The following PPM1E variants were observed in gnomAD, a reference collection of about 807,000 sequenced individuals.
PPM1E encodes the protein protein phosphatase, Mg2+/Mn2+ dependent 1E.
In PPM1E, 20 loss-of-function variants were observed where a neutral mutation model predicts 65.9. The observed-to-expected ratio is 0.30, with a 90% CI of 0.21 to 0.44. The LOEUF (loss-of-function observed/expected upper bound fraction) is 0.44, where lower values mean the gene tolerates loss of function less well. Ranked by LOEUF, PPM1E falls within the 20% of genes least tolerant of loss-of-function variation. The pLI is 1.00. For missense variants in PPM1E, 713 were observed against 953.1 expected, an observed-to-expected ratio of 0.75 and a Z score of 3.32; for synonymous variants, 352 against 374.9, an observed-to-expected ratio of 0.94 and a Z score of 0.70.
intron 1 of PPM1E, among the ~76,000 whole-genome samples, chr17:58,822,526 G>A (rs541712134): frequency 2.0e-5 from 3 of 152,184 alleles, no homozygotes; most frequent in African/African-American, 7.2e-5. Flanking sequence ...GAAGATTGGA[G>A]CCAGTTTCAA....
chr17:58,923,016 T>G (rs1449228267), intron 1 of PPM1E, among the ~76,000 whole-genome samples: 1 of 152,198 alleles, frequency 6.6e-6, no homozygotes, highest in Non-Finnish European at 1.5e-5. Flanking sequence ...CCAGGTGTGA[T>G]AGCTTATGCT....
chr17:58,788,838 T>C (rs1399566079), intron 1 of PPM1E, among the ~76,000 whole-genome samples: 1 of 152,216 alleles, frequency 6.6e-6, no homozygotes, highest in Non-Finnish European at 1.5e-5. Context: ...TCATGCTTTA[T>C]ACAGATTGAA....
intron 1 of PPM1E, among the ~76,000 whole-genome samples, chr17:58,827,519 T>G (rs2050551035): frequency 1.3e-5 from 2 of 152,196 alleles, no homozygotes; most frequent in Admixed American, 6.5e-5. Flanking sequence ...CTGGTTATAA[T>G]CTTTTAAGCC....
At chr17:58,837,698 G>A (rs951709669) in intron 1 of PPM1E, among the ~76,000 whole-genome samples, 5 of 151,900 alleles carry the variant, frequency 3.3e-5, no homozygotes, top group Non-Finnish European at 5.9e-5. Flanking sequence ...GGGTTTCACC[G>A]TGTCAGCCAG....
At chr17:58,765,421 C>T (rs1048522767) in intron 1 of PPM1E, among the ~76,000 whole-genome samples, 14 of 152,000 alleles carry the variant, frequency 9.2e-5, no homozygotes, top group Admixed American at 6.6e-4. Flanking sequence ...TGTGATCCTC[C>T]AGCCTTGGCC....
rs1459830794 is a variant in PPM1E at position 58,806,745 on chromosome 17, G to A, written c.464+50284G>A. Among the ~76,000 whole-genome samples the A allele has an allele frequency of 2.0e-5, 3 of 149,302 alleles. No homozygotes were observed. In the South Asian group the frequency reaches 6.3e-4, roughly 32 times the overall value. On this transcript the variant is annotated intron_variant, in intron 1 of 6. Transcript: ENST00000308249. ...AATGGAGTCTCCCTCTATTGCCCAG[G>A]TTGGAGTGTAGTGGCGCCATCTCGG...
At chr17:58,978,741 A>C (rs553773470) in intron 6 of PPM1E, among the ~76,000 whole-genome samples, 43 of 152,266 alleles carry the variant, frequency 2.8e-4, no homozygotes, top group South Asian at 2.3e-3. Context: ...CCCTTGTTGT[A>C]GTCATAAGCT....
At chr17:58,769,456 G>T (rs2049914812) in intron 1 of PPM1E, among the ~76,000 whole-genome samples, 1 of 152,022 alleles carries the variant, frequency 6.6e-6, no homozygotes, top group Non-Finnish European at 1.5e-5. Flanking sequence ...AATTAGCTGG[G>T]CATGGCGGTG....
intron 1 of PPM1E, among the ~76,000 whole-genome samples, chr17:58,919,308 T>C (rs757603108): frequency 2.6e-5 from 4 of 152,148 alleles, no homozygotes; most frequent in Non-Finnish European, 4.4e-5. Context: ...AGGGAAAATA[T>C]ACAGTCATTG....
At chr17:58,910,315 A>C (rs2051612383) in intron 1 of PPM1E, among the ~76,000 whole-genome samples, 1 of 152,100 alleles carries the variant, frequency 6.6e-6, no homozygotes, top group African/African-American at 2.4e-5. Flanking sequence ...CATTTCTTTT[A>C]CAGTGTTTTT....
rs1198959667 is a variant in PPM1E, at chr17:58,772,433, T to A, written c.464+15972T>A. 2.0e-5 allele frequency among the ~76,000 whole-genome samples: 3 copies of A among 151,038 alleles called. No individual in the cohort carries two copies. In the East Asian group the frequency reaches 5.8e-4, roughly 29 times the overall value. On this transcript the variant is annotated intron_variant, in intron 1 of 6. Coordinates refer to ENST00000308249, the MANE Select transcript of PPM1E (RefSeq NM_014906.5). ...ATCGTGCTACTGCACTCCAGCCTGGTGACAGAGCAAGACTCCATCTAAAAA... is the reference window on the plus strand; with the variant it reads ...ATCGTGCTACTGCACTCCAGCCTGGAGACAGAGCAAGACTCCATCTAAAAA...
intron 1 of PPM1E, among the ~76,000 whole-genome samples, chr17:58,802,882 T>A (rs79004854): frequency 4.6e-5 from 7 of 152,180 alleles, no homozygotes; most frequent in Non-Finnish European, 1.0e-4. Flanking sequence ...TGTTTTTTTT[T>A]ATCCTACAAA....
rs2031291473 is a variant in PPM1E at position 58,980,495 on chromosome 17, A to G, written c.1732A>G (p.Ser578Gly). Reference protein sequence around the residue: ...GYLDLTQIEASKPHSAQFLLP... With the variant: ...GYLDLTQIEAGKPHSAQFLLP... Reference sequence around the variant, plus strand: ...CCTAGATCTCACACAAATAGAAGCAAGCAAACCTCACAGTGCCCAGTTTTT... The same window carrying G: ...CCTAGATCTCACACAAATAGAAGCAGGCAAACCTCACAGTGCCCAGTTTTT... The change falls in exon 7 of 7, where the codon AGC becomes GGC. Residue 578 changes from serine (S) to glycine (G), a missense_variant. Ser to Gly is a moderately conservative substitution (Grantham distance 56). Transcript: ENST00000308249. This position sits in a 1 kb window ranked among gnomAD's most constrained non-coding sequence, Gnocchi z 4.7. 1 of 1,614,234 alleles carries G rather than the reference A, an allele frequency of 6.2e-7. No individual in the cohort carries two copies. Among genetic ancestry groups the G allele is most frequent in the Non-Finnish European group, 8.5e-7 (1 of 1,180,034 alleles).
intron 1 of PPM1E, among the ~76,000 whole-genome samples, chr17:58,886,435 A>G (rs1244101739): frequency 6.6e-6 from 1 of 152,180 alleles, no homozygotes; most frequent in Non-Finnish European, 1.5e-5. Context: ...GTGGTAGTGA[A>G]CAAACTCAGG....
At chr17:58,816,172 C>T (rs898744056) in intron 1 of PPM1E, among the ~76,000 whole-genome samples, 18 of 151,716 alleles carry the variant, frequency 1.2e-4, no homozygotes, top group Admixed American at 6.6e-5. Context: ...ACTACAGGTG[C>T]GTGCCACCAC....
chr17:58,842,458 T>A (rs1463482715), intron 1 of PPM1E, among the ~76,000 whole-genome samples: 1 of 152,196 alleles, frequency 6.6e-6, no homozygotes, highest in Non-Finnish European at 1.5e-5. Flanking sequence ...GGAAAATGTG[T>A]GTGTATGTTG....
chr17:58,945,496 C>T (rs1179599816), intron 1 of PPM1E, among the ~76,000 whole-genome samples: 1 of 152,158 alleles, frequency 6.6e-6, no homozygotes, highest in Non-Finnish European at 1.5e-5. Context: ...ACCAATTCTC[C>T]ATTTCTCCCT....
At chr17:58,778,218 G>T (rs1696454963) in intron 1 of PPM1E, among the ~76,000 whole-genome samples, 1 of 151,970 alleles carries the variant, frequency 6.6e-6, no homozygotes, top group African/African-American at 2.4e-5. Flanking sequence ...TCCTGCCTCA[G>T]CCTCCTAAGC....
At chr17:58,954,429 GA>G (rs1422339660) in intron 1 of PPM1E, among the ~76,000 whole-genome samples, 2 of 152,126 alleles carry the variant, frequency 1.3e-5, no homozygotes, top group Admixed American at 6.5e-5. Flanking sequence ...ATTACCCTTT[GA>G]AAAGAATAGA....
Sources: allele counts gnomAD v4.1 joint callset (sites outside exome capture counted in the v4.1 genomes callset), GRCh38; gene constraint gnomAD v4.1.1; non-coding constraint Gnocchi (gnomAD v3.1); transcripts MANE v1.5; gene names NCBI Gene and HGNC (gene_info 2026-07-23, HGNC 2026-07-21).